Variants in NBAS observed in about 807,000 individuals in gnomAD.
NBAS encodes the protein NAG/BC035112 fusion.
NBAS carries 219 observed loss-of-function variants against 302.5 expected under a neutral mutation model. That is an observed-to-expected ratio of 0.72 (90% CI 0.65 to 0.81). The LOEUF (loss-of-function observed/expected upper bound fraction) is 0.81. NBAS is among the 30% of genes least tolerant of loss of function. NBAS has a pLI of 0.00. For synonymous variants in NBAS, 1,118 were observed against 1,021.6 expected, an observed-to-expected ratio of 1.09 and a Z score of -1.80; for missense variants, 2,932 against 2,841.6, an observed-to-expected ratio of 1.03 and a Z score of -0.72.
chr2:15,120,360 T>G, the NBAS span, among the ~76,000 whole-genome samples: 1 of 152,070 alleles, frequency 6.6e-6, no homozygotes, highest in Non-Finnish European at 1.5e-5. Flanking sequence ...CCAAAGAAAC[T>G]GATGTTCAGA....
chr2:14,851,484 C>A, the NBAS span, among the ~76,000 whole-genome samples: 1 of 146,334 alleles, frequency 6.8e-6, no homozygotes, highest in Non-Finnish European at 1.5e-5. Context: ...GATTCACAGC[C>A]GAATTCTACC....
chr2:15,438,599 G>A (rs1035373233), intron 21 of NBAS, among the ~76,000 whole-genome samples: 2 of 152,212 alleles, frequency 1.3e-5, no homozygotes, highest in Non-Finnish European at 2.9e-5. Flanking sequence ...AGTGAGCCCA[G>A]CAGCGCCCTC....
intron 47 of NBAS, among the ~76,000 whole-genome samples, chr2:15,226,203 T>C (rs565472305): frequency 1.1e-4 from 17 of 152,358 alleles, no homozygotes; most frequent in African/African-American, 3.6e-4. Context: ...TTCTGTATGA[T>C]AAGGTTGTTC....
intron 11 of NBAS, among the ~76,000 whole-genome samples, chr2:15,501,584 A>ATTT (rs70961416): frequency 0.017 from 1,770 of 106,996 alleles, 36 homozygotes; most frequent in Middle Eastern, 0.053. Flanking sequence ...TGAACTAAAT[A>ATTT]TTTTTTTTTT....
intron 39 of NBAS, among the ~76,000 whole-genome samples, chr2:15,308,942 C>T (rs1236144945): frequency 3.3e-5 from 5 of 151,960 alleles, no homozygotes; most frequent in Non-Finnish European, 4.4e-5. Context: ...GTGGGTGCAG[C>T]GCACCAGCAT....
chr2:14,785,337 C>T, the NBAS span, among the ~76,000 whole-genome samples: 1 of 152,066 alleles, frequency 6.6e-6, no homozygotes, highest in Admixed American at 6.6e-5. Flanking sequence ...ATTGCCCTGG[C>T]CAGAACTTCC....
intron 35 of NBAS, among the ~76,000 whole-genome samples, chr2:15,337,476 A>AT (rs1303031727): frequency 6.6e-6 from 1 of 152,188 alleles, no homozygotes; most frequent in Non-Finnish European, 1.5e-5. Flanking sequence ...AAAAATAAAA[A>AT]TAAAAAAAAG....
At chr2:15,267,267 C>T (rs985959175) in intron 44 of NBAS, among the ~76,000 whole-genome samples, 2 of 152,190 alleles carry the variant, frequency 1.3e-5, no homozygotes, top group Non-Finnish European at 2.9e-5. Flanking sequence ...TTGTCTACAG[C>T]ATGCAGAATA....
At chr2:15,361,707 G>A (rs955752441) in intron 32 of NBAS, among the ~76,000 whole-genome samples, 2 of 151,932 alleles carry the variant, frequency 1.3e-5, no homozygotes, top group African/African-American at 4.8e-5. Context: ...GGCTGGGCAC[G>A]GTGGCTCACG....
At chr2:15,211,372 T>C (rs553576662) in intron 48 of NBAS, among the ~76,000 whole-genome samples, 175 of 152,330 alleles carry the variant, frequency 1.1e-3, no homozygotes, top group African/African-American at 4.2e-3. Flanking sequence ...TATGTGTAAA[T>C]TGGATGACAG....
At chr2:15,533,280 T>C (rs73202750) in intron 9 of NBAS, among the ~76,000 whole-genome samples, 1,848 of 152,294 alleles carry the variant, frequency 0.012, 35 homozygotes, top group African/African-American at 0.042. Flanking sequence ...ACATATCCTA[T>C]AGAAACTTTT....
At chr2:14,848,647 G>A in the NBAS span, among the ~76,000 whole-genome samples, 4 of 140,548 alleles carry the variant, frequency 2.8e-5, 1 homozygote, top group Non-Finnish European at 6.0e-5. Context: ...CAAAAAGATA[G>A]CAGTAACCTC....
intron 28 of NBAS, among the ~76,000 whole-genome samples, chr2:15,389,195 C>G (rs752391751): frequency 6.6e-6 from 1 of 152,204 alleles, no homozygotes; most frequent in Non-Finnish European, 1.5e-5. Context: ...AGTTCTCCAA[C>G]TCCCAGATGA....
In NBAS at chr2:15,179,116, C is replaced by T; in HGVS notation, c.6712G>A (p.Gly2238Ser). Reference sequence around the variant, plus strand: ...AGCAGCAGACACAGCTCCTTCACACCCTGAAACCACAGAGCAGGGGTGAGC... The same window carrying T: ...AGCAGCAGACACAGCTCCTTCACACTCTGAAACCACAGAGCAGGGGTGAGC... ...YNTKQMLPAEGVKELCLLLLN... is the reference protein window; with the variant it reads ...YNTKQMLPAESVKELCLLLLN... The change falls in exon 51 of 52, where the codon GGT becomes AGT. Residue 2238 changes from glycine (G) to serine (S), a missense_variant and splice_region_variant. Physicochemically the swap from Gly to Ser is moderately conservative, Grantham distance 56. Coordinates refer to ENST00000281513, the MANE Select transcript of NBAS (RefSeq NM_015909.4). 1.9e-6 allele frequency: 3 copies of T among 1,614,036 alleles called. No individual in the cohort carries two copies. The highest frequency in any genetic ancestry group is 2.5e-6 in the Non-Finnish European group (3 of 1,180,010).
At chr2:15,498,118 G>A (rs189262819) in intron 11 of NBAS, among the ~76,000 whole-genome samples, 2 of 152,260 alleles carry the variant, frequency 1.3e-5, no homozygotes, top group Middle Eastern at 3.4e-3. Flanking sequence ...AGTACATGTA[G>A]GGGTATACAG....
At chr2:15,525,682 G>C (rs1048185241) in intron 9 of NBAS, among the ~76,000 whole-genome samples, 18 of 152,082 alleles carry the variant, frequency 1.2e-4, no homozygotes, top group African/African-American at 4.1e-4. Context: ...TTTTGACTTT[G>C]TTGAAATGTA....
chr2:15,153,093 G>T, the NBAS span, among the ~76,000 whole-genome samples: 4 of 152,120 alleles, frequency 2.6e-5, no homozygotes, highest in African/African-American at 9.7e-5. Context: ...CTCCAAGTCA[G>T]AAAAATAGAG....
intron 47 of NBAS, 136 bp downstream of exon 47, chr2:15,232,286 C>T: frequency 5.2e-6 from 4 of 771,052 alleles, no homozygotes; most frequent in South Asian, 3.1e-5. Flanking sequence ...ACCATGTCTC[C>T]AAGTGCAGAG....
At chr2:15,278,467 G>A (rs1302101516) in intron 42 of NBAS, among the ~76,000 whole-genome samples, 3 of 152,124 alleles carry the variant, frequency 2.0e-5, no homozygotes, top group African/African-American at 7.2e-5. Flanking sequence ...TTCCTAGACT[G>A]TGCTGCTTGA....
Sources: gnomAD v4.1 joint callset for allele counts (sites outside exome capture counted in the v4.1 genomes callset) on GRCh38, gnomAD v4.1.1 for gene constraint, MANE v1.5 for transcripts, NCBI Gene and HGNC (gene_info 2026-07-23, HGNC 2026-07-21) for gene names.